GRM5: variants seen among roughly 807,000 people sequenced by gnomAD.
The protein encoded by GRM5 is glutamate metabotropic receptor 5.
A neutral mutation model predicts 83.1 loss-of-function variants in GRM5; 19 were observed. That is an observed-to-expected ratio of 0.23 (90% CI 0.16 to 0.34). The LOEUF (loss-of-function observed/expected upper bound fraction) is 0.34. GRM5 is among the 10% of genes least tolerant of loss of function. The pLI is 1.00. For synonymous variants in GRM5, 675 were observed against 633.6 expected, an observed-to-expected ratio of 1.07 and a Z score of -0.98; for missense variants, 1,160 against 1,588.3, an observed-to-expected ratio of 0.73 and a Z score of 4.58.
intron 2 of GRM5, among the ~76,000 whole-genome samples, chr11:88,945,797 A>G (rs1938264456): frequency 6.6e-6 from 1 of 152,116 alleles, no homozygotes; most frequent in Admixed American, 6.6e-5. Flanking sequence ...AAAAAAGCCT[A>G]GAACAAACCG....
At chr11:88,927,313 A>G (rs1945806552) in intron 2 of GRM5, among the ~76,000 whole-genome samples, 1 of 152,170 alleles carries the variant, frequency 6.6e-6, no homozygotes, top group South Asian at 2.1e-4. Flanking sequence ...GAAAGAATAT[A>G]TTCTAGAAGT....
rs148296481 is a variant in GRM5 at position 88,554,999 on chromosome 11, T to A, written c.2630+12054A>T. Among the ~76,000 whole-genome samples, 85 of 152,198 alleles carry A rather than the reference T, an allele frequency of 5.6e-4. 1 individual carries two copies. Among genetic ancestry groups the A allele is most frequent in the South Asian group, 1.0e-3 (5 of 4,822 alleles). On this transcript the variant is annotated intron_variant, in intron 8 of 9. Coordinates refer to ENST00000305447, the MANE Select transcript of GRM5 (RefSeq NM_001143831.3). ...AGGGAACAATTACCCACTTGACATA[T>A]CCTCTTGAAAGCTTACCAGTCATGG... is the stretch of plus-strand genomic sequence containing the variant.
chr11:88,886,038 A>C (rs1945039637), intron 2 of GRM5, among the ~76,000 whole-genome samples: 1 of 152,204 alleles, frequency 6.6e-6, no homozygotes, highest in South Asian at 2.1e-4. Flanking sequence ...CTATGTAAAC[A>C]TCATACCTGA....
intron 2 of GRM5, among the ~76,000 whole-genome samples, chr11:88,912,260 T>C (rs1945512951): frequency 6.6e-6 from 1 of 151,920 alleles, no homozygotes; most frequent in Non-Finnish European, 1.5e-5. Context: ...ATAATGATAA[T>C]GCAACATTTT....
At chr11:88,745,475 G>A (rs375382308) in intron 3 of GRM5, among the ~76,000 whole-genome samples, 1 of 151,924 alleles carries the variant, frequency 6.6e-6, no homozygotes, top group African/African-American at 2.4e-5. Flanking sequence ...CCAAGTGCAG[G>A]GATTACAGGC....
chr11:88,870,722 G>A (rs1182560038), intron 2 of GRM5, among the ~76,000 whole-genome samples: 3 of 151,380 alleles, frequency 2.0e-5, no homozygotes, highest in Middle Eastern at 3.2e-3. Flanking sequence ...ACGACATTTT[G>A]GACTCAAAAA....
chr11:88,991,196 ACAAG>A (rs995815797), intron 2 of GRM5, among the ~76,000 whole-genome samples: 1 of 152,138 alleles, frequency 6.6e-6, no homozygotes, highest in Admixed American at 6.5e-5. Context: ...TACAAAAATC[ACAAG>A]CATTCTTATA....
rs1420063882 is a variant in GRM5 at position 88,821,531 on chromosome 11, T to C, written c.911+28375A>G. 3.9e-5 allele frequency among the ~76,000 whole-genome samples: 6 copies of C among 152,216 alleles called. No homozygotes were observed. The East Asian group carries it at 1.2e-3, about 29-fold the overall frequency. On this transcript the variant is annotated intron_variant, in intron 3 of 9. Coordinates refer to ENST00000305447, the MANE Select transcript of GRM5 (RefSeq NM_001143831.3). ...AGTTTCTCTGTTCCTTCTCCAATAC[T>C]ACTTTGCTTTCAATCCTGAGCAGTT...
intron 3 of GRM5, among the ~76,000 whole-genome samples, chr11:88,806,774 C>A (rs971361037): frequency 1.3e-4 from 20 of 151,960 alleles, no homozygotes; most frequent in Non-Finnish European, 2.4e-4. Context: ...TTTTTGGTAT[C>A]CTGTGAAACT....
chr11:88,816,409 C>T (rs1323400013), intron 3 of GRM5, among the ~76,000 whole-genome samples: 3 of 147,352 alleles, frequency 2.0e-5, no homozygotes, highest in South Asian at 2.2e-4. Context: ...CATGGTGGCA[C>T]GTGCCTGTAG....
chr11:88,514,388 A>T (rs1420285081), intron 9 of GRM5, among the ~76,000 whole-genome samples: 1 of 152,068 alleles, frequency 6.6e-6, no homozygotes, highest in Non-Finnish European at 1.5e-5. Context: ...TTTCCCTTCC[A>T]TATCAGAAAC....
chr11:88,970,318 T>C (rs1939128760), intron 2 of GRM5, among the ~76,000 whole-genome samples: 1 of 152,142 alleles, frequency 6.6e-6, no homozygotes, highest in Non-Finnish European at 1.5e-5. Context: ...GCTTCTTCCA[T>C]CCTATGGCCC....
At chr11:88,711,858 C>CAG (rs143368187) in intron 3 of GRM5, among the ~76,000 whole-genome samples, 3 of 151,206 alleles carry the variant, frequency 2.0e-5, no homozygotes, top group Non-Finnish European at 2.9e-5. Flanking sequence ...GAGAGAGAGA[C>CAG]AGAGAGAGAG....
intron 1 of GRM5, among the ~76,000 whole-genome samples, chr11:89,049,326 T>C (rs1471804527): frequency 5.3e-5 from 8 of 152,184 alleles, no homozygotes; most frequent in African/African-American, 2.4e-5. Flanking sequence ...TGGCAAATTC[T>C]AGCATAATTT....
chr11:88,514,478 A>T (rs556025028), intron 9 of GRM5, among the ~76,000 whole-genome samples: 36 of 152,260 alleles, frequency 2.4e-4, no homozygotes, highest in Non-Finnish European at 4.3e-4. Flanking sequence ...CCTCTGCTCA[A>T]ACCTGCAGAT....
At chr11:88,971,441 C>T (rs977333887) in intron 2 of GRM5, among the ~76,000 whole-genome samples, 28 of 152,190 alleles carry the variant, frequency 1.8e-4, no homozygotes, top group African/African-American at 6.7e-4. Flanking sequence ...CCACTCTCCA[C>T]TCTCAAGTAG....
intron 1 of GRM5, among the ~76,000 whole-genome samples, chr11:89,064,974 T>C (rs1942071189): frequency 7.1e-6 from 1 of 140,378 alleles, no homozygotes; most frequent in African/African-American, 2.6e-5. Context: ...CAAAGTTCCA[T>C]AAAGGAACCA....
chr11:88,662,295 A>T (rs1387994826), intron 3 of GRM5, among the ~76,000 whole-genome samples: 1 of 152,212 alleles, frequency 6.6e-6, no homozygotes, highest in East Asian at 1.9e-4. Flanking sequence ...GATCTTGCTA[A>T]TTCTAAAACT....
rs970607182 is a variant in GRM5 at position 88,835,628 on chromosome 11, G to GA, written c.911+14277dup. The stretch of plus-strand genomic sequence containing the variant: ...ATGACACAATTACACTTGTTTTACA[G>GA]AAAAAACAACTCTGAGGAAACTGGG... On this transcript the variant is annotated intron_variant, in intron 3 of 9. Coordinates refer to ENST00000305447, the MANE Select transcript of GRM5 (RefSeq NM_001143831.3). Among the ~76,000 whole-genome samples, 202 of 151,976 alleles carry GA rather than the reference G, an allele frequency of 1.3e-3. 1 individual carries two copies. Among genetic ancestry groups the GA allele is most frequent in the African/African-American group, 4.6e-3 (191 of 41,470 alleles).
Sources: allele counts gnomAD v4.1 joint callset (sites outside exome capture counted in the v4.1 genomes callset), GRCh38; gene constraint gnomAD v4.1.1; transcripts MANE v1.5; gene names NCBI Gene and HGNC (gene_info 2026-07-23, HGNC 2026-07-21).